PSMD7: variants seen among roughly 807,000 people sequenced by gnomAD.
PSMD7 encodes 26S proteasome non-ATPase regulatory subunit 7.
A neutral mutation model predicts 36.4 loss-of-function variants in PSMD7; 13 were observed. That is an observed-to-expected ratio of 0.36 (90% CI 0.23 to 0.57). PSMD7 has a LOEUF of 0.57. Ranked by LOEUF, PSMD7 falls within the 20% of genes least tolerant of loss-of-function variation. The pLI is 0.83. For missense variants in PSMD7, 298 were observed against 393.6 expected (o/e 0.76, Z 2.06); for synonymous variants, 186 against 151.0 (o/e 1.23, Z -1.70).
chr16:74,303,551 T>C (rs923231075), intron 5 of PSMD7, among the ~76,000 whole-genome samples: 9 of 152,188 alleles, frequency 5.9e-5, no homozygotes, highest in Non-Finnish European at 1.0e-4. Flanking sequence ...ATGTCCCCAA[T>C]GGATCCTTTG....
At chr16:74,298,517 T>C (rs1302692376) in intron 1 of PSMD7, among the ~76,000 whole-genome samples, 2 of 152,188 alleles carry the variant, frequency 1.3e-5, no homozygotes, top group African/African-American at 4.8e-5. Flanking sequence ...TTTTCTCCCA[T>C]GGGATACTAG....
intron 5 of PSMD7, chr16:74,304,050 G>C (rs371799922): frequency 5.4e-6 from 2 of 368,152 alleles, no homozygotes; most frequent in Admixed American, 8.0e-5. Flanking sequence ...CCAAGTGTGG[G>C]CTTGAGGGAA....
chr16:74,296,987 C>T lies in PSMD7; in HGVS notation c.73C>T (p.Arg25Ter). The T allele has an allele frequency of 1.2e-6, 2 of 1,611,632 alleles. No homozygotes were observed. The highest frequency in any genetic ancestry group is 1.7e-6 in the Non-Finnish European group (2 of 1,179,366). ...GCTCAGTGTGGTGGATCATTTCAAC[C>T]GGTGAGCGAGCGCCCTATAGCTGGG... ...VLLSVVDHFN[R>*]IGKVGNQKRV... The change falls in exon 1 of 7, where the codon CGA becomes TGA. Residue 25 changes from arginine to a stop codon, truncating the protein, a stop_gained and splice_region_variant. Coordinates refer to ENST00000219313, the MANE Select transcript of PSMD7 (RefSeq NM_002811.5). LOFTEE classifies it high-confidence loss of function.
At chr16:74,304,937 A>G (rs1270047665) in intron 6 of PSMD7, among the ~76,000 whole-genome samples, 1 of 152,240 alleles carries the variant, frequency 6.6e-6, no homozygotes, top group African/African-American at 2.4e-5. Context: ...AGGAACAGGA[A>G]AGCTGAGAGA....
rs774083084 is a variant in PSMD7 at position 74,305,746 on chromosome 16, A to G, written c.*13A>G. On this transcript the variant is annotated 3_prime_UTR_variant, in exon 7 of 7. Transcript: ENST00000219313. ...GGAGAAAAAGTAAAACATGTATTAA[A>G]TAGCTTTTTTAATTTGTAAATTAAA... The G allele has an allele frequency of 4.2e-6, 6 of 1,413,208 alleles. No individual in the cohort carries two copies. In the African/African-American group the frequency reaches 4.3e-5, roughly 10 times the overall value. The allele number at this position is 1,413,208 out of a possible 1,614,324, so 87.5% of individuals were successfully genotyped here.
chr16:74,297,018 G>A (rs940300068), intron 1 of PSMD7, 30 bp downstream of exon 1: 12 of 1,600,536 alleles, frequency 7.5e-6, no homozygotes, highest in Admixed American at 1.7e-5. Flanking sequence ...CTGGGCCGGC[G>A]GCGCAGCCGC....
chr16:74,301,876 C>T (rs373261200), intron 4 of PSMD7, among the ~76,000 whole-genome samples: 1 of 152,056 alleles, frequency 6.6e-6, no homozygotes, highest in Non-Finnish European at 1.5e-5. Flanking sequence ...GTAATCCTCT[C>T]GGTAACTGTA....
Position 74,301,259 on chromosome 16 carries a change from G to T in PSMD7, c.259+115G>T, listed in dbSNP as rs2034152943. On this transcript the variant is annotated intron_variant, in intron 3 of 6. Coordinates refer to ENST00000219313, the MANE Select transcript of PSMD7 (RefSeq NM_002811.5). ...CTTTCACTTAGCTACACTTCAGTAAGACTAGTGGTAGTAGAGGAATAAGGT... is the reference window on the plus strand; with the variant it reads ...CTTTCACTTAGCTACACTTCAGTAATACTAGTGGTAGTAGAGGAATAAGGT... 4.2e-6 allele frequency: 3 copies of T among 714,734 alleles called. No individual in the cohort carries two copies. The South Asian group carries it at 5.5e-5, about 13-fold the overall frequency. 44.3% of individuals were successfully genotyped at this position (714,734 alleles called of 1,614,324 possible). A position where few individuals can be genotyped will look rare whatever the true frequency, so the allele number is the denominator to read the frequency against.
Position 74,299,962 on chromosome 16 carries a change from T to C in PSMD7, c.75-153T>C, listed in dbSNP as rs560473312. Among the ~76,000 whole-genome samples the C allele has an allele frequency of 9.8e-5, 15 of 152,318 alleles. No individual in the cohort carries two copies. The South Asian group carries it at 2.9e-3, about 29-fold the overall frequency. ...TATGAATTACCCCTTATAGTTAATA[T>C]CAACCTAACCCTATTACATTGGTTT... On this transcript the variant is annotated intron_variant, in intron 1 of 6. Transcript: ENST00000219313.
intron 5 of PSMD7, 125 bp downstream of exon 5, chr16:74,302,417 C>G: frequency 1.3e-6 from 1 of 784,534 alleles, no homozygotes; most frequent in Non-Finnish European, 2.0e-6. Context: ...GTTTTTTTCC[C>G]TTTGACTTTT....
chr16:74,305,157 G>A, intron 6 of PSMD7, 132 bp from the exon 7 acceptor site: 2 of 1,135,942 alleles, frequency 1.8e-6, no homozygotes, highest in East Asian at 5.3e-5. Context: ...ATCAAATGGG[G>A]AAGTGACATT....
chr16:74,304,302 G>C lies in PSMD7; in HGVS notation c.439-1G>C. On this transcript the variant is annotated splice_acceptor_variant, in intron 5 of 6. Coordinates refer to ENST00000219313, the MANE Select transcript of PSMD7 (RefSeq NM_002811.5). LOFTEE classifies it high-confidence loss of function. ...AATTATAGTTAGGCTTCCTCTCCCA[G>C]GATGGAACTCCAACCTCGAAAACAT... is the stretch of plus-strand genomic sequence containing the variant. 1 of 1,613,504 alleles carries C rather than the reference G, an allele frequency of 6.2e-7. No homozygotes were observed. Among genetic ancestry groups the C allele is most frequent in the Non-Finnish European group, 8.5e-7 (1 of 1,179,476 alleles).
In PSMD7 at chr16:74,305,853, T is replaced by G. The variant is rs2034192403; in HGVS notation, c.*120T>G. On this transcript the variant is annotated 3_prime_UTR_variant, in exon 7 of 7. Coordinates refer to ENST00000219313, the MANE Select transcript of PSMD7 (RefSeq NM_002811.5). ...ATTAGAAAGCTGACCCAACAAGAGC[T>G]CTCTGCCTCCGGTCACTCTTGCTGT... The G allele has an allele frequency of 2.6e-6, 3 of 1,171,322 alleles. No homozygotes were observed. Among genetic ancestry groups the G allele is most frequent in the African/African-American group, 3.1e-5 (2 of 64,020 alleles). 72.6% of individuals were successfully genotyped at this position (1,171,322 alleles called of 1,614,324 possible). A position where few individuals can be genotyped will look rare whatever the true frequency, so the allele number is the denominator to read the frequency against.
Position 74,305,915 on chromosome 16 carries a change from T to A in PSMD7, c.*182T>A, listed in dbSNP as rs2034193123. 1.8e-6 allele frequency: 1 copy of A among 554,528 alleles called. No individual in the cohort carries two copies. Among genetic ancestry groups the A allele is most frequent in the Non-Finnish European group, 2.7e-6 (1 of 366,150 alleles). 34.4% of individuals were successfully genotyped at this position (554,528 alleles called of 1,614,324 possible). A position where few individuals can be genotyped will look rare whatever the true frequency, so the allele number is the denominator to read the frequency against. ...GAAGTGAATGGAGACTGATCTCAAATCTGAACTGCAGCTTTCGCTGCTGTG... is the reference window on the plus strand; with the variant it reads ...GAAGTGAATGGAGACTGATCTCAAAACTGAACTGCAGCTTTCGCTGCTGTG... On this transcript the variant is annotated 3_prime_UTR_variant, in exon 7 of 7. Coordinates refer to ENST00000219313, the MANE Select transcript of PSMD7 (RefSeq NM_002811.5).
rs750775664 is a variant in PSMD7, at chr16:74,301,646, T to C, written c.351T>C (p.Pro117=). ...AINELMKRYC[P]NSVLVIIDVK... ...ACGAACTCATGAAAAGATACTGTCC[T>C]AATTCCGTAAGTGGTGTCTATTTTT... The change falls in exon 4 of 7, where the codon CCT becomes CCC. Residue 117 remains proline (P), a synonymous_variant. Coordinates refer to ENST00000219313, the MANE Select transcript of PSMD7 (RefSeq NM_002811.5). 4.5e-5 allele frequency: 72 copies of C among 1,608,670 alleles called. 1 individual carries two copies. Among genetic ancestry groups the C allele is most frequent in the Non-Finnish European group, 6.0e-5 (70 of 1,175,254 alleles).
chr16:74,304,981 T>C (rs538080294), intron 6 of PSMD7: 265 of 265,518 alleles, frequency 1.0e-3, no homozygotes, highest in African/African-American at 5.2e-3. Flanking sequence ...CAGAAAGTTA[T>C]TGGTAGATCT....
Position 74,305,926 on chromosome 16 carries a change from G to T in PSMD7, c.*193G>T, listed in dbSNP as rs2034193180. The stretch of plus-strand genomic sequence containing the variant: ...AGACTGATCTCAAATCTGAACTGCA[G>T]CTTTCGCTGCTGTGAGTTGGGGATA... On this transcript the variant is annotated 3_prime_UTR_variant, in exon 7 of 7. Coordinates refer to ENST00000219313, the MANE Select transcript of PSMD7 (RefSeq NM_002811.5). The T allele has an allele frequency of 1.0e-5, 5 of 485,878 alleles. No homozygotes were observed. The highest frequency in any genetic ancestry group is 1.6e-5 in the Non-Finnish European group (5 of 307,322). The allele number at this position is 485,878 out of a possible 1,614,324, so 30.1% of individuals were successfully genotyped here.
intron 5 of PSMD7, among the ~76,000 whole-genome samples, chr16:74,303,169 G>T (rs1405382650): frequency 6.6e-6 from 1 of 152,190 alleles, no homozygotes; most frequent in African/African-American, 2.4e-5. Context: ...TGCCTGTAAA[G>T]GTTACCAAGA....
chr16:74,300,731 T>TC (rs2034149210), intron 2 of PSMD7, among the ~76,000 whole-genome samples: 1 of 152,240 alleles, frequency 6.6e-6, no homozygotes, highest in African/African-American at 2.4e-5. Flanking sequence ...GCTAGTCATG[T>TC]CATTTGCCAA....
Sources: allele counts gnomAD v4.1 joint callset (sites outside exome capture counted in the v4.1 genomes callset), GRCh38; gene constraint gnomAD v4.1.1; transcripts MANE v1.5; gene names NCBI Gene and HGNC (gene_info 2026-07-23, HGNC 2026-07-21).